Variants in PLEKHA8 observed in about 807,000 individuals in gnomAD.
PLEKHA8 encodes the protein pleckstrin homology domain-containing family A member 8.
PLEKHA8 carries 36 observed loss-of-function variants against 68.2 expected under a neutral mutation model. The observed-to-expected ratio is 0.53, with a 90% CI of 0.40 to 0.70. The LOEUF is 0.70. Among genes scored for constraint, PLEKHA8 ranks in the 30% least tolerant of loss-of-function variants. The pLI, the probability that PLEKHA8 is intolerant of heterozygous loss-of-function variation, is 0.00. For synonymous variants in PLEKHA8, 211 were observed against 216.1 expected, an observed-to-expected ratio of 0.98 and a Z score of 0.20; for missense variants, 505 against 615.4, an observed-to-expected ratio of 0.82 and a Z score of 1.90.
chr7:30,107,401 A>G (rs1796099149), intron 13 of PLEKHA8, among the ~76,000 whole-genome samples: 2 of 151,940 alleles, frequency 1.3e-5, no homozygotes, highest in South Asian at 4.1e-4. Flanking sequence ...GGAAAATTAC[A>G]TTTTCTAATT....
chr7:30,055,942 T>C (rs1792812283), intron 9 of PLEKHA8, among the ~76,000 whole-genome samples: 1 of 124,332 alleles, frequency 8.0e-6, no homozygotes, highest in Non-Finnish European at 1.8e-5. Flanking sequence ...CAAAACATAT[T>C]TTCTTTTTTT....
At chr7:30,128,596 T>C (rs957159714) in intron 13 of PLEKHA8, among the ~76,000 whole-genome samples, 2 of 152,228 alleles carry the variant, frequency 1.3e-5, no homozygotes, top group Non-Finnish European at 2.9e-5. Flanking sequence ...TTCTTTCTAC[T>C]CATTTGGAAT....
intron 1 of PLEKHA8, among the ~76,000 whole-genome samples, chr7:30,043,006 T>TTTTGTTTGTTTGTTTG (rs139576666): frequency 0.12 from 18,744 of 151,798 alleles, 1,186 homozygotes; most frequent in Middle Eastern, 0.17. Context: ...GCATCACCTT[T>TTTTGTTTGTTTGTTTG]TTTGTTTGTT....
intron 7 of PLEKHA8, among the ~76,000 whole-genome samples, chr7:30,053,258 C>T (rs1294049263): frequency 6.6e-6 from 1 of 152,186 alleles, no homozygotes; most frequent in Non-Finnish European, 1.5e-5. Context: ...TCAGAATTCA[C>T]CAGTCACCAT....
At chr7:30,129,174 T>G (rs1796831980) in intron 13 of PLEKHA8, 1 of 1,567,668 alleles carries the variant, frequency 6.4e-7, no homozygotes, top group East Asian at 2.2e-5. Context: ...AAGGAAACAA[T>G]AATATGTAAC....
In PLEKHA8 at chr7:30,081,672, G is replaced by A. The variant is rs573347960; in HGVS notation, c.*2885G>A. On this transcript the variant is annotated 3_prime_UTR_variant, in exon 14 of 14. Transcript: ENST00000449726. ...AATCACTTTGTTCTCATCGCTCAAA[G>A]CATTTTTAGGATTATTTTTCTAGCG... The A allele has an allele frequency of 3.0e-6, 3 of 985,238 alleles. No individual in the cohort carries two copies. In the East Asian group the frequency reaches 3.4e-4, roughly 112 times the overall value. The allele number at this position is 985,238 out of a possible 1,614,324, so 61.0% of individuals were successfully genotyped here. A position where few individuals can be genotyped will look rare whatever the true frequency, so the allele number is the denominator to read the frequency against.
chr7:30,088,773 GCTC>G (rs966759765), downstream of PLEKHA8, among the ~76,000 whole-genome samples: 5 of 152,188 alleles, frequency 3.3e-5, no homozygotes, highest in African/African-American at 9.7e-5. Context: ...AGAAAGAAGA[GCTC>G]CTAATCCCAC....
intron 9 of PLEKHA8, among the ~76,000 whole-genome samples, chr7:30,056,320 A>C (rs1283389189): frequency 0.045 from 5,023 of 112,310 alleles, 161 homozygotes; most frequent in Non-Finnish European, 0.052. Context: ...CTCTATATAT[A>C]TATATATATA....
At chr7:30,031,262 T>C (rs1456779995) in intron 1 of PLEKHA8, among the ~76,000 whole-genome samples, 1 of 152,156 alleles carries the variant, frequency 6.6e-6, no homozygotes, top group Non-Finnish European at 1.5e-5. Context: ...CCATGTTTCA[T>C]TGTGTGTGAT....
At chr7:30,064,304 T>C (rs1793662530) in intron 12 of PLEKHA8, among the ~76,000 whole-genome samples, 1 of 152,234 alleles carries the variant, frequency 6.6e-6, no homozygotes, top group Admixed American at 6.5e-5. Context: ...CTCATGCCTG[T>C]ACTTTCGGAG....
At chr7:30,101,954 A>G (rs1304857787) in intron 13 of PLEKHA8, among the ~76,000 whole-genome samples, 1 of 152,182 alleles carries the variant, frequency 6.6e-6, no homozygotes, top group African/African-American at 2.4e-5. Flanking sequence ...AAATTAAAAA[A>G]CTTTTGTGCA....
intron 13 of PLEKHA8, among the ~76,000 whole-genome samples, chr7:30,126,336 A>AT (rs1161618557): frequency 6.6e-6 from 1 of 152,236 alleles, no homozygotes; most frequent in Non-Finnish European, 1.5e-5. Context: ...TATCTCTTAG[A>AT]TAACTCTCAG....
chr7:30,046,473 G>C, intron 3 of PLEKHA8, 108 bp downstream of exon 3: 1 of 1,253,188 alleles, frequency 8.0e-7, no homozygotes, highest in African/African-American at 1.5e-5. Flanking sequence ...AGCTTTTTGT[G>C]TCATGCAAAT....
At chr7:30,115,854 ACATACGTGCACATACATGTAGG>A (rs1796472161) in intron 13 of PLEKHA8, 3 of 149,832 alleles carry the variant, frequency 2.0e-5, no homozygotes, top group East Asian at 2.0e-4. Context: ...ACGTATGCAT[ACATACGTGCACATACATGTAGG>A]CACGCATACA....
chr7:30,036,982 C>T (rs1389189979), intron 1 of PLEKHA8, among the ~76,000 whole-genome samples: 1 of 152,136 alleles, frequency 6.6e-6, no homozygotes, highest in South Asian at 2.1e-4. Context: ...CTTTGCTGTC[C>T]GCATCCCTGT....
In PLEKHA8 at chr7:30,061,877, T is replaced by C. The variant is rs1309073637; in HGVS notation, c.1099-20T>C. On this transcript the variant is annotated intron_variant, in intron 10 of 13. Transcript: ENST00000449726. ...ACTTCAGCATTTTAAACTTAGGTTG[T>C]TTCCCTGCTTTCCCTCCAGAAAGTA... The C allele has an allele frequency of 1.9e-6, 3 of 1,613,042 alleles. No individual in the cohort carries two copies. The African/African-American group carries it at 4.0e-5, about 22-fold the overall frequency.
intron 9 of PLEKHA8, among the ~76,000 whole-genome samples, chr7:30,059,627 CCTAT>C (rs1460551796): frequency 6.7e-6 from 1 of 148,480 alleles, no homozygotes; most frequent in African/African-American, 2.5e-5. Flanking sequence ...CTCTTAGCTA[CCTAT>C]CTTTGTCCCT....
chr7:30,069,988 G>A (rs767791910), intron 12 of PLEKHA8, among the ~76,000 whole-genome samples: 26 of 152,170 alleles, frequency 1.7e-4, no homozygotes, highest in African/African-American at 2.4e-4. Context: ...GGGTATTACA[G>A]TGAAGATTAA....
At chr7:30,036,606 A>G (rs1022564333) in intron 1 of PLEKHA8, among the ~76,000 whole-genome samples, 1 of 152,192 alleles carries the variant, frequency 6.6e-6, no homozygotes, top group African/African-American at 2.4e-5. Flanking sequence ...AGCACTGTGC[A>G]GAACAAATAA....
Sources: allele counts gnomAD v4.1 joint callset (sites outside exome capture counted in the v4.1 genomes callset), GRCh38; gene constraint gnomAD v4.1.1; transcripts MANE v1.5; gene names NCBI Gene and HGNC (gene_info 2026-07-23, HGNC 2026-07-21).